KCTD1: variants seen among roughly 807,000 people sequenced by gnomAD.
KCTD1 encodes potassium channel tetramerization domain containing 1, also known as BTB/POZ domain-containing protein KCTD1.
KCTD1 carries 24 observed loss-of-function variants against 66.0 expected under a neutral mutation model. That is an observed-to-expected ratio of 0.36 (90% CI 0.26 to 0.51). The LOEUF is 0.51. Among genes scored for constraint, KCTD1 ranks in the 20% least tolerant of loss-of-function variants. The pLI is 0.95. For missense variants in KCTD1, 943 were observed against 1,205.2 expected, an observed-to-expected ratio of 0.78 and a Z score of 3.22; for synonymous variants, 511 against 517.2, an observed-to-expected ratio of 0.99 and a Z score of 0.16.
Position 26,521,496 on chromosome 18 carries a change from G to A in KCTD1, c.1810-20246C>T, listed in dbSNP as rs181540234. ...GGAGAAAAGAACACTTACTTCACAG[G>A]GCTGTCTGGGGATTTAATGAGGGTA... is the stretch of plus-strand genomic sequence containing the variant. On this transcript the variant is annotated intron_variant, in intron 1 of 4. Transcript: ENST00000580059. Among the ~76,000 whole-genome samples the A allele has an allele frequency of 1.8e-3, 280 of 152,244 alleles. 4 individuals carry two copies. The highest frequency in any genetic ancestry group is 0.017 in the East Asian group (90 of 5,182).
At position 26,461,974 on chromosome 18, in the gene KCTD1, C is replaced by T. The variant is rs539675269; in HGVS notation, c.2134-2049G>A. On this transcript the variant is annotated intron_variant, in intron 3 of 4. Coordinates refer to ENST00000580059, the MANE Select transcript of KCTD1 (RefSeq NM_001142730.3). ...TCTACTAAAAATACAAAAAATTAGC[C>T]GGGCATGGTGGCGGACAAAGCCCTG... Among the ~76,000 whole-genome samples the T allele has an allele frequency of 2.2e-4, 33 of 152,222 alleles. 1 individual carries two copies. The highest frequency in any genetic ancestry group is 3.4e-3 in the Middle Eastern group (1 of 294).
intron 1 of KCTD1, among the ~76,000 whole-genome samples, chr18:26,525,816 G>A (rs1984132256): frequency 6.6e-6 from 1 of 152,122 alleles, no homozygotes; most frequent in Non-Finnish European, 1.5e-5. Flanking sequence ...TGAACTTGTG[G>A]GCTCATATGA....
intron 1 of KCTD1, among the ~76,000 whole-genome samples, chr18:26,622,836 G>A (rs897960171): frequency 3.9e-5 from 6 of 152,084 alleles, no homozygotes; most frequent in Non-Finnish European, 8.8e-5. Context: ...TGAGTGTTGA[G>A]AGGACCAGCG....
intron 1 of KCTD1, among the ~76,000 whole-genome samples, chr18:26,532,261 C>CTTTTTTTTTTTTTTTTTTTTTTTT (rs533359603): frequency 2.7e-4 from 8 of 29,556 alleles, no homozygotes; most frequent in African/African-American, 5.2e-4. Context: ...TTCTTTCCTT[C>CTTTTTTTTTTTTTTTTTTTTTTTT]TTTTTTTTTT....
intron 1 of KCTD1, among the ~76,000 whole-genome samples, chr18:26,509,813 G>A (rs888681059): frequency 6.6e-6 from 1 of 152,178 alleles, no homozygotes; most frequent in Admixed American, 6.5e-5. Context: ...CTGTTCCTTC[G>A]GAATCTGAAG....
upstream of KCTD1, among the ~76,000 whole-genome samples, chr18:26,643,446 A>C (rs908947869): frequency 6.6e-6 from 1 of 152,226 alleles, no homozygotes; most frequent in African/African-American, 2.4e-5. Flanking sequence ...GAGACAGGAA[A>C]GACAAGATGT....
intron 1 of KCTD1, among the ~76,000 whole-genome samples, chr18:26,610,669 GAAAGAGAGAAAGA>G (rs1462994040): frequency 3.3e-5 from 5 of 151,636 alleles, no homozygotes; most frequent in African/African-American, 7.3e-5. Context: ...GAGCAAGAAA[GAAAGAGAGAAAGA>G]AAAGAGAGAA....
At chr18:26,572,756 A>G (rs1229340828) in intron 1 of KCTD1, among the ~76,000 whole-genome samples, 1 of 152,190 alleles carries the variant, frequency 6.6e-6, no homozygotes, top group Non-Finnish European at 1.5e-5. Flanking sequence ...ATACTAAATA[A>G]ATTAGACCAT....
chr18:26,553,011 G>C (rs1221724334), upstream of KCTD1, among the ~76,000 whole-genome samples: 1 of 142,252 alleles, frequency 7.0e-6, no homozygotes, highest in Non-Finnish European at 1.5e-5. Context: ...TTTCTTTTGA[G>C]ACAGGGTCTT....
upstream of KCTD1, among the ~76,000 whole-genome samples, chr18:26,633,289 C>T (rs1211190092): frequency 6.6e-6 from 1 of 151,918 alleles, no homozygotes; most frequent in Non-Finnish European, 1.5e-5. Context: ...AAATTAAATC[C>T]CTGTTTTATA....
intron 1 of KCTD1, among the ~76,000 whole-genome samples, chr18:26,639,244 C>T (rs975393011): frequency 2.6e-5 from 4 of 152,164 alleles, no homozygotes; most frequent in African/African-American, 4.8e-5. Flanking sequence ...AAAGAGAAGA[C>T]GATGCAGGAC....
chr18:26,494,684 T>C (rs1982376129), intron 2 of KCTD1, among the ~76,000 whole-genome samples: 1 of 152,150 alleles, frequency 6.6e-6, no homozygotes, highest in Non-Finnish European at 1.5e-5. Flanking sequence ...GGAAAAGCAG[T>C]ATTGTAAGAT....
intron 1 of KCTD1, among the ~76,000 whole-genome samples, chr18:26,604,341 AGCAGTATG>A (rs1277017240): frequency 6.6e-6 from 1 of 152,224 alleles, no homozygotes; most frequent in Non-Finnish European, 1.5e-5. Flanking sequence ...CATTGTGGAA[AGCAGTATG>A]GCAACTTCTC....
chr18:26,525,971 C>G (rs549553047), intron 1 of KCTD1, among the ~76,000 whole-genome samples: 1 of 152,220 alleles, frequency 6.6e-6, no homozygotes, highest in South Asian at 2.1e-4. Context: ...GGGCGCTTGT[C>G]ATCTTGTGGC....
At chr18:26,485,416 G>C (rs1981864781) in intron 2 of KCTD1, among the ~76,000 whole-genome samples, 1 of 152,222 alleles carries the variant, frequency 6.6e-6, no homozygotes, top group Admixed American at 6.5e-5. Context: ...AATGCTGACA[G>C]ATTTGCATCC....
At chr18:26,490,826 C>T (rs57996762) in intron 2 of KCTD1, among the ~76,000 whole-genome samples, 3,010 of 147,358 alleles carry the variant, frequency 0.02, 86 homozygotes, top group African/African-American at 0.07. Flanking sequence ...GATCTCGGCT[C>T]ACTGCAATCT....
At chr18:26,645,382 T>C (rs532276331) in intron 1 of KCTD1, among the ~76,000 whole-genome samples, 13 of 152,126 alleles carry the variant, frequency 8.5e-5, no homozygotes, top group Non-Finnish European at 1.8e-4. Context: ...CCTGAGTAGC[T>C]AGGATTACAG....
At chr18:26,576,614 T>C (rs548880977) in intron 1 of KCTD1, among the ~76,000 whole-genome samples, 19 of 152,272 alleles carry the variant, frequency 1.2e-4, no homozygotes, top group African/African-American at 4.1e-4. Flanking sequence ...TCCTCATCAA[T>C]CCCACCCCCT....
intron 1 of KCTD1, among the ~76,000 whole-genome samples, chr18:26,555,954 G>A (rs1445688770): frequency 6.6e-6 from 1 of 152,142 alleles, no homozygotes; most frequent in African/African-American, 2.4e-5. Flanking sequence ...GTATCTGGGT[G>A]TATTGGGGCA....
Sources: allele counts gnomAD v4.1 joint callset (sites outside exome capture counted in the v4.1 genomes callset), GRCh38; gene constraint gnomAD v4.1.1; transcripts MANE v1.5; gene names NCBI Gene and HGNC (gene_info 2026-07-23, HGNC 2026-07-21).